Variants in LRP1B observed in about 807,000 individuals in gnomAD.
LRP1B encodes the protein low-density lipoprotein receptor-related protein 1B.
In LRP1B, 217 loss-of-function variants were observed where a neutral mutation model predicts 556.6. The ratio of observed to expected loss-of-function variants is 0.39; its 90% CI spans 0.35 to 0.44. The LOEUF (loss-of-function observed/expected upper bound fraction) is 0.44, where lower values mean the gene tolerates loss of function less well. Ranked by LOEUF, LRP1B falls within the 20% of genes least tolerant of loss-of-function variation. The pLI is 1.00. For missense variants in LRP1B, 5,053 were observed against 5,620.8 expected (o/e 0.90, Z 3.23); for synonymous variants, 2,047 against 1,865.8 (o/e 1.10, Z -2.50).
chr2:140,335,764 A>G lies in LRP1B; in HGVS notation c.11967T>C (p.Ser3989=), dbSNP rs539082322. Residue 3989 remains serine, a synonymous_variant, in exon 78 of 91, where the codon TCT becomes TCC. Coordinates refer to ENST00000389484, the MANE Select transcript of LRP1B (RefSeq NM_018557.3). ...TGTAGTAACTGAACCAATGCATTCT[A>G]GAATGATCAGTCCAGTAAATGTTTC... The part of the protein sequence containing the change: ...VAGNIYWTDH[S]RMHWFSYYTT... 1.9e-6 allele frequency: 3 copies of G among 1,612,968 alleles called. No individual in the cohort carries two copies. Among genetic ancestry groups the G allele is most frequent in the Middle Eastern group, 1.7e-4 (1 of 6,048 alleles).
chr2:140,917,025 C>A (rs1694600688), intron 21 of LRP1B, among the ~76,000 whole-genome samples: 1 of 152,062 alleles, frequency 6.6e-6, no homozygotes, highest in South Asian at 2.1e-4. Context: ...CCTATTCTGG[C>A]CTATTTAGGT....
chr2:141,428,710 C>T (rs1680460096), intron 3 of LRP1B, among the ~76,000 whole-genome samples: 1 of 152,300 alleles, frequency 6.6e-6, no homozygotes, highest in Non-Finnish European at 1.5e-5. Context: ...TGACACTCTG[C>T]CAGAAGGCTA....
rs525848 is a variant in LRP1B, at chr2:140,632,845, C to T, written c.6800-31206G>A. ...TTGGGAGGCTGAGGCGCGTGGGTCA[C>T]GAGGTCAGGAGATCGAGACCATCCT... On this transcript the variant is annotated intron_variant, in intron 41 of 90. Coordinates refer to ENST00000389484, the MANE Select transcript of LRP1B (RefSeq NM_018557.3). Among the ~76,000 whole-genome samples the T allele has an allele frequency of 9.5e-3, 1,448 of 152,098 alleles. 24 individuals are homozygous for T. Among genetic ancestry groups the T allele is most frequent in the African/African-American group, 0.033 (1,383 of 41,482 alleles).
intron 3 of LRP1B, among the ~76,000 whole-genome samples, chr2:141,313,601 A>G (rs972509828): frequency 3.9e-5 from 6 of 152,292 alleles, no homozygotes; most frequent in African/African-American, 7.2e-5. Flanking sequence ...ATTCTGAATA[A>G]TATTGGAATG....
chr2:141,723,035 G>A (rs1692894221), intron 2 of LRP1B, among the ~76,000 whole-genome samples: 1 of 151,524 alleles, frequency 6.6e-6, no homozygotes, highest in East Asian at 1.9e-4. Flanking sequence ...TTGCCTACTT[G>A]CATTTTATTT....
intron 84 of LRP1B, among the ~76,000 whole-genome samples, chr2:140,286,282 G>GGTTC (rs1445337845): frequency 6.6e-6 from 1 of 151,816 alleles, no homozygotes; most frequent in Non-Finnish European, 1.5e-5. Context: ...ATCCAAGGCT[G>GGTTC]GTTCGTCCTA....
intron 41 of LRP1B, among the ~76,000 whole-genome samples, chr2:140,616,106 T>TAA (rs71860526): frequency 9.2e-4 from 138 of 149,492 alleles, no homozygotes; most frequent in African/African-American, 2.5e-3. Context: ...ATAAAGTTAC[T>TAA]AAAAAAAAAA....
At chr2:141,944,718 C>T (rs1259414516) in intron 1 of LRP1B, among the ~76,000 whole-genome samples, 1 of 151,992 alleles carries the variant, frequency 6.6e-6, no homozygotes, top group African/African-American at 2.4e-5. Context: ...AGCAGAATGA[C>T]CAGGACTAAA....
At chr2:140,504,920 C>T (rs1016865709) in intron 53 of LRP1B, among the ~76,000 whole-genome samples, 1 of 152,112 alleles carries the variant, frequency 6.6e-6, no homozygotes, top group Admixed American at 6.6e-5. Flanking sequence ...AAATATGGTT[C>T]CAAAACAAAA....
intron 2 of LRP1B, among the ~76,000 whole-genome samples, chr2:141,727,420 G>A (rs1016948340): frequency 2.0e-5 from 3 of 152,148 alleles, no homozygotes; most frequent in African/African-American, 4.8e-5. Context: ...GCAGCAATAT[G>A]ACACAGGTTG....
intron 32 of LRP1B, among the ~76,000 whole-genome samples, chr2:140,796,384 A>T (rs1026212037): frequency 1.3e-5 from 2 of 152,088 alleles, no homozygotes; most frequent in Admixed American, 6.5e-5. Context: ...CATTAAGAGG[A>T]GCAATCTGTT....
At chr2:140,285,978 T>C (rs1000900577) in intron 84 of LRP1B, among the ~76,000 whole-genome samples, 2 of 151,866 alleles carry the variant, frequency 1.3e-5, no homozygotes, top group African/African-American at 2.4e-5. Context: ...TTCTTAATTA[T>C]ACTTCTTTAC....
intron 42 of LRP1B, among the ~76,000 whole-genome samples, chr2:140,601,171 T>C (rs1368330053): frequency 2.6e-5 from 4 of 151,958 alleles, no homozygotes; most frequent in Non-Finnish European, 5.9e-5. Context: ...TAAAGTCTTC[T>C]TCATAGGCCT....
chr2:140,586,675 A>G (rs1205403229), intron 43 of LRP1B: 1 of 152,248 alleles, frequency 6.6e-6, no homozygotes, highest in Non-Finnish European at 1.5e-5. Flanking sequence ...TCTGGTGCCA[A>G]TGAATGCTGA....
chr2:140,707,966 T>C (rs778152039), intron 37 of LRP1B, among the ~76,000 whole-genome samples: 21 of 152,080 alleles, frequency 1.4e-4, no homozygotes, highest in Non-Finnish European at 2.5e-4. Context: ...TGGTTGGTTC[T>C]CAAACTTATT....
intron 1 of LRP1B, among the ~76,000 whole-genome samples, chr2:141,963,567 T>C (rs538221252): frequency 6.6e-6 from 1 of 151,810 alleles, no homozygotes; most frequent in African/African-American, 2.4e-5. Flanking sequence ...AAACTCTCAA[T>C]AAATTAGGTA....
intron 1 of LRP1B, among the ~76,000 whole-genome samples, chr2:142,030,805 T>C (rs368129972): frequency 3.3e-5 from 5 of 151,928 alleles, no homozygotes; most frequent in East Asian, 2.0e-4. Flanking sequence ...GTTATGTTAG[T>C]TATTTTGAAA....
chr2:141,372,079 T>G (rs1689247115), intron 3 of LRP1B, among the ~76,000 whole-genome samples: 1 of 152,196 alleles, frequency 6.6e-6, no homozygotes, highest in Admixed American at 6.5e-5. Flanking sequence ...GAAAAGATAC[T>G]GAATTTTATC....
At chr2:141,921,583 T>C (rs1700185564) in intron 1 of LRP1B, among the ~76,000 whole-genome samples, 1 of 152,062 alleles carries the variant, frequency 6.6e-6, no homozygotes, top group Non-Finnish European at 1.5e-5. Context: ...TTTCACATAT[T>C]CTAGCAATGA....
Sources: allele counts gnomAD v4.1 joint callset (sites outside exome capture counted in the v4.1 genomes callset), GRCh38; gene constraint gnomAD v4.1.1; transcripts MANE v1.5; gene names NCBI Gene and HGNC (gene_info 2026-07-23, HGNC 2026-07-21).